TTC39B: variants seen among roughly 807,000 people sequenced by gnomAD.
TTC39B encodes tetratricopeptide repeat protein 39B.
Under a neutral mutation model 96.6 loss-of-function variants are expected in TTC39B, and 92 were observed. The ratio of observed to expected loss-of-function variants is 0.95; its 90% CI spans 0.80 to 1.13. The LOEUF (loss-of-function observed/expected upper bound fraction) is 1.13. Among genes scored for constraint, TTC39B ranks in the 50% most tolerant of loss-of-function variants. The pLI, the probability that TTC39B is intolerant of heterozygous loss-of-function variation, is 0.00. For missense variants in TTC39B, 955 were observed against 809.3 expected (o/e 1.18, Z -2.18); for synonymous variants, 367 against 299.4 (o/e 1.23, Z -2.33).
intron 3 of TTC39B, chr9:15,224,618 T>C (rs866967517): frequency 1.3e-5 from 2 of 152,260 alleles, no homozygotes; most frequent in African/African-American, 2.4e-5. Context: ...TATTTATTAA[T>C]GCTTTCAGTA....
rs371470245 is a variant in TTC39B, at chr9:15,214,257, T to C, written c.372-8A>G. 961 of 1,608,200 alleles carry C rather than the reference T, an allele frequency of 6.0e-4. 2 individuals carry two copies. In the Middle Eastern group the frequency reaches 7.9e-3, roughly 13 times the overall value. Reference sequence around the variant, plus strand: ...ACCTTGGTTGATGATGAACTAAAGATCAAGAAAAAAGCACAGAGAATTTCT... The same window carrying C: ...ACCTTGGTTGATGATGAACTAAAGACCAAGAAAAAAGCACAGAGAATTTCT... On this transcript the variant is annotated splice_polypyrimidine_tract_variant and splice_region_variant and intron_variant, in intron 3 of 19. Coordinates refer to ENST00000512701, the Ensembl canonical transcript of TTC39B.
exon 20 of TTC39B, chr9:15,167,296 C>A (rs147108289): frequency 7.3e-6 from 1 of 136,542 alleles, no homozygotes; most frequent in East Asian, 2.3e-4. Flanking sequence ...CGCCCCCCAA[C>A]TTTGGCTTCC....
chr9:15,196,683 A>C (rs1330821191), intron 8 of TTC39B, among the ~76,000 whole-genome samples: 3 of 152,254 alleles, frequency 2.0e-5, no homozygotes, highest in African/African-American at 7.2e-5. Context: ...TAAAGATGCC[A>C]CAAACATTGT....
exon 20 of TTC39B, chr9:15,164,524 A>G (rs1307123558): frequency 6.6e-6 from 1 of 152,204 alleles, no homozygotes; most frequent in Non-Finnish European, 1.5e-5. Flanking sequence ...CTCCCAAATG[A>G]AACATCTACA....
chr9:15,233,894 C>T (rs931961088), intron 2 of TTC39B, among the ~76,000 whole-genome samples: 15 of 151,586 alleles, frequency 9.9e-5, no homozygotes, highest in African/African-American at 2.9e-4. Context: ...TGGCTGCCAT[C>T]CCATCTAGGA....
intron 1 of TTC39B, among the ~76,000 whole-genome samples, chr9:15,285,672 A>G (rs535772): frequency 0.88 from 133,045 of 152,040 alleles, 58,430 homozygotes; most frequent in East Asian, 0.98. Flanking sequence ...GGCTAACACG[A>G]TGAAACCCCG....
chr9:15,242,452 G>A (rs1026411666), intron 2 of TTC39B, among the ~76,000 whole-genome samples: 15 of 152,218 alleles, frequency 9.9e-5, no homozygotes, highest in African/African-American at 3.6e-4. Context: ...GCCTGGTGGT[G>A]CATACCTGTA....
rs778492453 is a variant in TTC39B, at chr9:15,307,079, C to T, written c.240+5G>A. The T allele has an allele frequency of 6.2e-7, 1 of 1,609,586 alleles. No individual in the cohort carries two copies. Among genetic ancestry groups the T allele is most frequent in the South Asian group, 1.1e-5 (1 of 90,202 alleles). On this transcript the variant is annotated splice_donor_5th_base_variant and intron_variant, in intron 1 of 19. Transcript: ENST00000512701. ...GCCGGGCCCGCAATCCCCATCGGATCGTACCTCGTCCGCTTCCAGCTCCGC... is the reference window on the plus strand; with the variant it reads ...GCCGGGCCCGCAATCCCCATCGGATTGTACCTCGTCCGCTTCCAGCTCCGC...
At chr9:15,187,538 T>C (rs995382777) in intron 14 of TTC39B, among the ~76,000 whole-genome samples, 5 of 152,216 alleles carry the variant, frequency 3.3e-5, no homozygotes, top group Admixed American at 1.3e-4. Context: ...TAGCTCACTG[T>C]AGCCTCGAAC....
chr9:15,307,091 G>A (rs1423423860), exon 1 of TTC39B: 1 of 1,610,014 alleles, frequency 6.2e-7, no homozygotes. Flanking sequence ...TACCTCGTCC[G>A]CTTCCAGCTC....
exon 20 of TTC39B, chr9:15,166,681 G>GGCAGCAGAAACAA (rs1564299379): frequency 6.6e-6 from 1 of 151,772 alleles, no homozygotes; most frequent in Non-Finnish European, 1.5e-5. Context: ...ACCAACAATA[G>GGCAGCAGAAACAA]GCAGCAGAAA....
chr9:15,179,623 G>A (rs909149182), intron 17 of TTC39B, among the ~76,000 whole-genome samples: 2 of 152,118 alleles, frequency 1.3e-5, no homozygotes, highest in African/African-American at 4.8e-5. Flanking sequence ...AGACATTCAA[G>A]AAGTAATATC....
chr9:15,236,519 T>A (rs1007453254), intron 2 of TTC39B, among the ~76,000 whole-genome samples: 2 of 152,206 alleles, frequency 1.3e-5, no homozygotes, highest in Non-Finnish European at 2.9e-5. Context: ...ACAGAATATA[T>A]ATTCTTTTCA....
chr9:15,258,584 G>T (rs1378195877), intron 2 of TTC39B, among the ~76,000 whole-genome samples: 1 of 152,218 alleles, frequency 6.6e-6, no homozygotes, highest in African/African-American at 2.4e-5. Flanking sequence ...TACTTATGGA[G>T]GAGGCAAGGA....
At chr9:15,177,960 C>T (rs1266182655) in intron 17 of TTC39B, 146 bp from the exon 18 acceptor site, 2 of 468,964 alleles carry the variant, frequency 4.3e-6, no homozygotes, top group Non-Finnish European at 7.5e-6. Flanking sequence ...AGCTCCGTCT[C>T]CCGGGTTCAC....
chr9:15,175,178 G>A, intron 18 of TTC39B, 43 bp from the exon 19 acceptor site: 1 of 1,306,162 alleles, frequency 7.7e-7, no homozygotes, highest in African/African-American at 1.5e-5. Context: ...AACAGAACAA[G>A]AAATACACAT....
At chr9:15,261,121 C>G (rs910385601) in intron 2 of TTC39B, among the ~76,000 whole-genome samples, 1 of 152,290 alleles carries the variant, frequency 6.6e-6, no homozygotes. Flanking sequence ...AGTGCCCAAC[C>G]AGGACTCCCG....
chr9:15,263,204 T>G (rs1387662019), intron 2 of TTC39B, among the ~76,000 whole-genome samples: 1 of 152,150 alleles, frequency 6.6e-6, no homozygotes, highest in Non-Finnish European at 1.5e-5. Context: ...ATTTTATGTC[T>G]CCTATTGGTT....
At chr9:15,233,590 G>T (rs1375064711) in intron 2 of TTC39B, among the ~76,000 whole-genome samples, 1 of 151,534 alleles carries the variant, frequency 6.6e-6, no homozygotes, top group Non-Finnish European at 1.5e-5. Flanking sequence ...GCTCCTAACC[G>T]CCAGTGATCC....
Sources: gnomAD v4.1 joint callset for allele counts (sites outside exome capture counted in the v4.1 genomes callset) on GRCh38, gnomAD v4.1.1 for gene constraint, MANE v1.5 for transcripts, NCBI Gene and HGNC (gene_info 2026-07-23, HGNC 2026-07-21) for gene names.